Variants in SSBP2 observed in about 807,000 individuals in gnomAD.
SSBP2 encodes single stranded DNA binding protein 2, also known as single-stranded DNA-binding protein 2.
A neutral mutation model predicts 61.8 loss-of-function variants in SSBP2; 17 were observed. That is an observed-to-expected ratio of 0.28 (90% CI 0.19 to 0.41). SSBP2 has a LOEUF of 0.41. SSBP2 is among the 10% of genes least tolerant of loss of function. The pLI, the probability that SSBP2 is intolerant of heterozygous loss-of-function variation, is 1.00. For synonymous variants in SSBP2, 139 were observed against 141.3 expected (o/e 0.98, Z 0.12); for missense variants, 310 against 458.7 (o/e 0.68, Z 2.96).
chr5:81,739,421 A>T (rs1416182583), intron 1 of SSBP2, among the ~76,000 whole-genome samples: 3 of 152,098 alleles, frequency 2.0e-5, no homozygotes, highest in African/African-American at 4.8e-5. Flanking sequence ...ATCCTCTTAG[A>T]AATATTTCCT....
intron 1 of SSBP2, among the ~76,000 whole-genome samples, chr5:81,685,773 G>A (rs1012956256): frequency 1.3e-5 from 2 of 152,090 alleles, no homozygotes; most frequent in Non-Finnish European, 2.9e-5. Context: ...ACAGCCAAGG[G>A]CACTTTTAGC....
chr5:81,616,271 G>C (rs1379433911), intron 3 of SSBP2: 1 of 147,762 alleles, frequency 6.8e-6, no homozygotes. Context: ...GAAGCAGGGC[G>C]AGGCATTGCC....
intron 4 of SSBP2, among the ~76,000 whole-genome samples, chr5:81,613,755 T>C (rs1328697806): frequency 6.6e-6 from 1 of 152,166 alleles, no homozygotes; most frequent in Non-Finnish European, 1.5e-5. Flanking sequence ...CACGCATCTC[T>C]TAGTATAAGG....
intron 1 of SSBP2, among the ~76,000 whole-genome samples, chr5:81,696,698 C>T (rs1753624328): frequency 6.6e-6 from 1 of 152,186 alleles, no homozygotes; most frequent in African/African-American, 2.4e-5. Context: ...ACCAAACAAG[C>T]TAATTTACAT....
intron 4 of SSBP2, among the ~76,000 whole-genome samples, chr5:81,560,025 A>C (rs1294995806): frequency 1.3e-5 from 2 of 152,214 alleles, no homozygotes; most frequent in African/African-American, 4.8e-5. Flanking sequence ...AATTCTCACA[A>C]TCAAAAACTG....
At chr5:81,739,164 C>CAAAAAAAA (rs71000859) in intron 1 of SSBP2, among the ~76,000 whole-genome samples, 2 of 51,100 alleles carry the variant, frequency 3.9e-5, no homozygotes, top group African/African-American at 1.4e-4. Flanking sequence ...ACTCCATCTC[C>CAAAAAAAA]AAAAAAAAAA....
At chr5:81,524,299 T>C (rs1031566805) in intron 4 of SSBP2, among the ~76,000 whole-genome samples, 1 of 152,012 alleles carries the variant, frequency 6.6e-6, no homozygotes. Flanking sequence ...TTAAATAAGC[T>C]TGAAAGTGAA....
chr5:81,622,623 C>T (rs1746712182), intron 3 of SSBP2, among the ~76,000 whole-genome samples: 1 of 152,152 alleles, frequency 6.6e-6, no homozygotes, highest in African/African-American at 2.4e-5. Context: ...ATATCATCAA[C>T]ACTATAATTA....
intron 1 of SSBP2, among the ~76,000 whole-genome samples, chr5:81,721,379 T>C (rs1474798911): frequency 6.6e-6 from 1 of 151,966 alleles, no homozygotes; most frequent in Non-Finnish European, 1.5e-5. Flanking sequence ...ATCTTACAGG[T>C]AGCTACTTCA....
intron 15 of SSBP2, among the ~76,000 whole-genome samples, chr5:81,437,107 A>T (rs999593963): frequency 5.9e-5 from 9 of 151,878 alleles, no homozygotes; most frequent in Non-Finnish European, 1.2e-4. Context: ...TCAAAAGATT[A>T]TCTAAATTCT....
At chr5:81,716,792 T>TA (rs1203537327) in intron 1 of SSBP2, among the ~76,000 whole-genome samples, 3 of 152,174 alleles carry the variant, frequency 2.0e-5, no homozygotes, top group African/African-American at 7.2e-5. Flanking sequence ...ACACTGCTAT[T>TA]ATGAAGTTTA....
intron 4 of SSBP2, among the ~76,000 whole-genome samples, chr5:81,549,576 G>A (rs1486866818): frequency 6.6e-6 from 1 of 152,088 alleles, no homozygotes; most frequent in Non-Finnish European, 1.5e-5. Flanking sequence ...TAAGCCCTTT[G>A]GAAAGAACAG....
Position 81,417,514 on chromosome 5 carries a change from G to A in SSBP2, c.*2990C>T, listed in dbSNP as rs1761357948. ...CAAGAATTGCTGATATTATTACTGT[G>A]AGATGACGTGTAAAAATAACACTAG... On this transcript the variant is annotated 3_prime_UTR_variant, in exon 17 of 17. Transcript: ENST00000320672. The A allele has an allele frequency of 6.6e-6, 1 of 152,286 alleles. No individual in the cohort carries two copies. The highest frequency in any genetic ancestry group is 2.1e-4 in the South Asian group (1 of 4,828). The allele number at this position is 152,286 out of a possible 1,614,324, so 9.4% of individuals were successfully genotyped here.
At chr5:81,611,850 T>C (rs1745481499) in intron 4 of SSBP2, among the ~76,000 whole-genome samples, 1 of 152,068 alleles carries the variant, frequency 6.6e-6, no homozygotes, top group African/African-American at 2.4e-5. Context: ...TATTTCTTCA[T>C]GGATTTCAGA....
intron 6 of SSBP2, among the ~76,000 whole-genome samples, chr5:81,484,470 T>C (rs542939331): frequency 1.3e-5 from 2 of 152,174 alleles, no homozygotes; most frequent in South Asian, 2.1e-4. Flanking sequence ...GAAAAAGATA[T>C]ATATCTCAGG....
At chr5:81,616,048 C>T (rs577588485) in intron 3 of SSBP2, 17 of 153,050 alleles carry the variant, frequency 1.1e-4, no homozygotes, top group African/African-American at 3.6e-4. Context: ...TGTTTTTCCC[C>T]ACAGTTACCA....
chr5:81,453,842 T>C (rs1006846178), intron 10 of SSBP2, among the ~76,000 whole-genome samples: 2 of 152,242 alleles, frequency 1.3e-5, no homozygotes, highest in Middle Eastern at 6.8e-3. Flanking sequence ...AATAAAAATA[T>C]GGAAAACTAA....
At position 81,527,853 on chromosome 5, in the gene SSBP2, T is replaced by C. The variant is rs141825939; in HGVS notation, c.283-14136A>G. On this transcript the variant is annotated intron_variant, in intron 4 of 16. Coordinates refer to ENST00000320672, the MANE Select transcript of SSBP2 (RefSeq NM_012446.5). The stretch of plus-strand genomic sequence containing the variant: ...AACCACCATGGCACATGTATACTTA[T>C]GTAACAAACCTACGCGTTCTACGTA... Among the ~76,000 whole-genome samples the C allele has an allele frequency of 3.8e-3, 564 of 150,244 alleles. 4 individuals carry two copies. Among genetic ancestry groups the C allele is most frequent in the African/African-American group, 0.013 (539 of 40,694 alleles).
chr5:81,541,309 TG>T, intron 4 of SSBP2, among the ~76,000 whole-genome samples: 1 of 152,262 alleles, frequency 6.6e-6, no homozygotes, highest in South Asian at 2.1e-4. Flanking sequence ...GCTCACAGAT[TG>T]GAAGAATCAA....
Sources: allele counts gnomAD v4.1 joint callset (sites outside exome capture counted in the v4.1 genomes callset), GRCh38; gene constraint gnomAD v4.1.1; transcripts MANE v1.5; gene names NCBI Gene and HGNC (gene_info 2026-07-23, HGNC 2026-07-21).